Variants in TMEM30A observed in about 807,000 individuals in gnomAD.
TMEM30A encodes the protein cell cycle control protein 50A.
Under a neutral mutation model 38.2 loss-of-function variants are expected in TMEM30A, and 24 were observed. The ratio of observed to expected loss-of-function variants is 0.63; its 90% CI spans 0.46 to 0.88. The LOEUF (loss-of-function observed/expected upper bound fraction) is 0.88. TMEM30A is among the 40% of genes least tolerant of loss of function. The pLI is 0.00. For synonymous variants in TMEM30A, 145 were observed against 161.6 expected (o/e 0.90, Z 0.78); for missense variants, 370 against 458.6 (o/e 0.81, Z 1.77).
At position 75,254,349 on chromosome 6, in the gene TMEM30A, G is replaced by A. The variant is rs1438443583; in HGVS notation, c.*1753C>T. ...TGTATCCCCGAAAATAAACTGCCAA[G>A]TGCAAGAGGGACAATCTTCAGAATA... is the stretch of plus-strand genomic sequence containing the variant. On this transcript the variant is annotated 3_prime_UTR_variant, in exon 7 of 7. Coordinates refer to ENST00000230461, the MANE Select transcript of TMEM30A (RefSeq NM_018247.4). 1 of 152,084 alleles carries A rather than the reference G, an allele frequency of 6.6e-6. No individual in the cohort carries two copies. Among genetic ancestry groups the A allele is most frequent in the Non-Finnish European group, 1.5e-5 (1 of 67,996 alleles). The allele number at this position is 152,084 out of a possible 1,614,324, so 9.4% of individuals were successfully genotyped here. A position where few individuals can be genotyped will look rare whatever the true frequency, so the allele number is the denominator to read the frequency against.
chr6:75,262,105 G>C (rs1771975056), intron 3 of TMEM30A, among the ~76,000 whole-genome samples: 1 of 152,186 alleles, frequency 6.6e-6, no homozygotes. Context: ...TCAGCACTTT[G>C]GGAGGCCAAG....
intron 1 of TMEM30A, among the ~76,000 whole-genome samples, chr6:75,276,652 T>C (rs1382625260): frequency 6.6e-6 from 1 of 152,202 alleles, no homozygotes; most frequent in Non-Finnish European, 1.5e-5. Flanking sequence ...TACTCTTATT[T>C]ACCAGGCAAT....
At chr6:75,268,509 TG>T (rs1408367024) in intron 1 of TMEM30A, among the ~76,000 whole-genome samples, 1 of 152,202 alleles carries the variant, frequency 6.6e-6, no homozygotes, top group Non-Finnish European at 1.5e-5. Context: ...GACACTGAAG[TG>T]AAGGACAGCT....
At chr6:75,258,743 G>T in intron 6 of TMEM30A, 37 bp downstream of exon 6, 1 of 1,589,036 alleles carries the variant, frequency 6.3e-7, no homozygotes, top group Middle Eastern at 1.7e-4. Flanking sequence ...CTCCTTTCAA[G>T]CTCTATGAAT....
At chr6:75,275,794 C>T (rs1168142045) in intron 1 of TMEM30A, among the ~76,000 whole-genome samples, 1 of 152,142 alleles carries the variant, frequency 6.6e-6, no homozygotes, top group Non-Finnish European at 1.5e-5. Context: ...CATATTTAAT[C>T]TTTGCTCCCA....
intron 2 of TMEM30A, among the ~76,000 whole-genome samples, chr6:75,266,513 A>G (rs1340488273): frequency 6.6e-6 from 1 of 152,202 alleles, no homozygotes; most frequent in Non-Finnish European, 1.5e-5. Flanking sequence ...AACCTACTTG[A>G]AGTTCCCTGA....
At chr6:75,278,072 G>T (rs945645411) in intron 1 of TMEM30A, among the ~76,000 whole-genome samples, 6 of 151,964 alleles carry the variant, frequency 3.9e-5, no homozygotes, top group Non-Finnish European at 8.8e-5. Context: ...TATCAGCAAA[G>T]CCACATACCT....
At position 75,284,553 on chromosome 6, in the gene TMEM30A, T is replaced by G. The variant is rs1424689790; in HGVS notation, c.86A>C (p.Asp29Ala). 1.9e-6 allele frequency: 3 copies of G among 1,612,992 alleles called. No homozygotes were observed. The East Asian group carries it at 6.7e-5, about 36-fold the overall frequency. Residue 29 changes from aspartate to alanine, a missense_variant, in exon 1 of 7, where the codon GAT (aspartate) becomes GCT (alanine). Asp to Ala is a moderately radical substitution (Grantham distance 126). Coordinates refer to ENST00000230461, the MANE Select transcript of TMEM30A (RefSeq NM_018247.4). ...PGGTAKTRRP[D>A]NTAFKQQRLP... ...CCGTTGCTGTTTGAAGGCCGTGTTA[T>G]CCGGTCTCCGAGTCTTCGCGGTGCC...
At chr6:75,258,740 C>T (rs371065380) in intron 6 of TMEM30A, 40 bp downstream of exon 6, 2 of 1,587,952 alleles carry the variant, frequency 1.3e-6, no homozygotes, top group African/African-American at 2.7e-5. Flanking sequence ...CGACTCCTTT[C>T]AAGCTCTATG....
rs369832254 is a variant in TMEM30A at position 75,259,510 on chromosome 6, G to C, written c.542-20C>G. 47 of 1,574,944 alleles carry C rather than the reference G, an allele frequency of 3.0e-5. No homozygotes were observed. In the African/African-American group the frequency reaches 5.9e-4, roughly 20 times the overall value. On this transcript the variant is annotated intron_variant, in intron 4 of 6. Coordinates refer to ENST00000230461, the MANE Select transcript of TMEM30A (RefSeq NM_018247.4). ...ATGTATCTAAACACAAGCAAAGAAAGACATTACTAACTATCTCTTGAAAAC... is the reference window on the plus strand; with the variant it reads ...ATGTATCTAAACACAAGCAAAGAAACACATTACTAACTATCTCTTGAAAAC...
rs138814834 is a variant in TMEM30A, at chr6:75,277,406, C to T, written c.237+6996G>A. 6.8e-3 allele frequency among the ~76,000 whole-genome samples: 1,033 copies of T among 151,346 alleles called. 11 individuals carry two copies. Among genetic ancestry groups the T allele is most frequent in the African/African-American group, 0.024 (985 of 41,242 alleles). On this transcript the variant is annotated intron_variant, in intron 1 of 6. Coordinates refer to ENST00000230461, the MANE Select transcript of TMEM30A (RefSeq NM_018247.4). ...TATGTAAAACTCTTAGCAGAGTATA[C>T]TCTCAAAAAATGTTAGTCATTATTA...
rs112823232 is a variant in TMEM30A at position 75,261,827 on chromosome 6, A to C, written c.454-916T>G. Among the ~76,000 whole-genome samples the C allele has an allele frequency of 9.3e-4, 141 of 152,342 alleles. 1 individual carries two copies. The highest frequency in any genetic ancestry group is 3.4e-3 in the African/African-American group (141 of 41,592). Reference sequence around the variant, plus strand: ...TGAATGGAAAAGATAAGGCTAAGGAAGTCTGTGGTAGGTATCTCATAAAGT... The same window carrying C: ...TGAATGGAAAAGATAAGGCTAAGGACGTCTGTGGTAGGTATCTCATAAAGT... On this transcript the variant is annotated intron_variant, in intron 3 of 6. Transcript: ENST00000230461.
chr6:75,263,952 C>T (rs550451371), intron 3 of TMEM30A, among the ~76,000 whole-genome samples: 39 of 152,274 alleles, frequency 2.6e-4, no homozygotes, highest in African/African-American at 9.1e-4. Context: ...TTGGAACACA[C>T]ACTATCTATA....
intron 1 of TMEM30A, 104 bp downstream of exon 1, chr6:75,284,298 T>A: frequency 9.0e-7 from 1 of 1,114,846 alleles, no homozygotes; most frequent in Non-Finnish European, 1.4e-6. Flanking sequence ...CGGCGCGAGG[T>A]CAGCCAGTCA....
chr6:75,267,681 CA>C lies in TMEM30A; in HGVS notation c.304del (p.Cys102AlafsTer34). 2 of 1,611,742 alleles carry C rather than the reference CA, an allele frequency of 1.2e-6. No individual in the cohort carries two copies. Among genetic ancestry groups the C allele is most frequent in the African/African-American group, 2.7e-5 (2 of 74,970 alleles). On this transcript the variant is annotated frameshift_variant, in exon 2 of 7. Coordinates refer to ENST00000230461, the MANE Select transcript of TMEM30A (RefSeq NM_018247.4). LOFTEE classifies it high-confidence loss of function. Reference sequence around the variant, plus strand: ...CAGTGTGAAGTTAATGGTACAAAAGCAAGGTGTCACATCCGGAGATAAACAT... The same window carrying C: ...CAGTGTGAAGTTAATGGTACAAAAGCAGGTGTCACATCCGGAGATAAACAT... Reference protein sequence around the residue: ...NKCLSPDVTPCFCTINFTLEK... With the variant: ...NKCLSPDVTPXFCTINFTLEK...
In TMEM30A at chr6:75,260,884, G is replaced by A. The variant is rs1771954778; in HGVS notation, c.481C>T (p.Arg161Ter). The A allele has an allele frequency of 9.4e-6, 15 of 1,601,824 alleles. No individual in the cohort carries two copies. Among genetic ancestry groups the A allele is most frequent in the Non-Finnish European group, 1.2e-5 (14 of 1,177,190 alleles). The change falls in exon 4 of 7, where the codon CGA becomes TGA. Residue 161 changes from arginine to a stop codon, truncating the protein, a stop_gained. Coordinates refer to ENST00000230461, the MANE Select transcript of TMEM30A (RefSeq NM_018247.4). LOFTEE classifies it high-confidence loss of function. ...GCAATTGGTTTGTCTTCATTTCTTCGATAAGGTTCACATTCCTTACTGGGA... is the reference window on the plus strand; with the variant it reads ...GCAATTGGTTTGTCTTCATTTCTTCAATAAGGTTCACATTCCTTACTGGGA... ...LNPSKECEPYRRNEDKPIAPC... is the reference protein window; with the variant it reads ...LNPSKECEPY
chr6:75,278,518 G>A (rs139705014), intron 1 of TMEM30A, among the ~76,000 whole-genome samples: 6 of 152,264 alleles, frequency 3.9e-5, no homozygotes, highest in South Asian at 4.2e-4. Flanking sequence ...ACCGTGAAAA[G>A]GCAGTTAGAA....
At chr6:75,283,097 T>G (rs747207266) in intron 1 of TMEM30A, among the ~76,000 whole-genome samples, 2 of 152,246 alleles carry the variant, frequency 1.3e-5, no homozygotes, top group Admixed American at 6.5e-5. Context: ...GAATGAATTT[T>G]TAGTAAAAAA....
intron 1 of TMEM30A, among the ~76,000 whole-genome samples, chr6:75,282,676 T>G (rs1394332003): frequency 6.6e-6 from 1 of 152,178 alleles, no homozygotes. Context: ...CTCAACTAGT[T>G]TACTGTCAAA....
Sources: gnomAD v4.1 joint callset for allele counts (sites outside exome capture counted in the v4.1 genomes callset) on GRCh38, gnomAD v4.1.1 for gene constraint, MANE v1.5 for transcripts, NCBI Gene and HGNC (gene_info 2026-07-23, HGNC 2026-07-21) for gene names.